The following PCDH11Y variants were observed in gnomAD, a reference collection of about 807,000 sequenced individuals.
The protein encoded by PCDH11Y is protocadherin 11 Y-linked.
For synonymous variants in PCDH11Y, 9 were observed against 83.6 expected, an observed-to-expected ratio of 0.11 and a Z score of 4.87; for missense variants, 12 against 224.8, an observed-to-expected ratio of 0.05 and a Z score of 6.05.
At chrY:5,127,718 GTAATGCCTAAT>G (rs2052827164) in intron 2 of PCDH11Y, among the ~76,000 whole-genome samples, 1 of 32,971 alleles carries the variant, frequency 3.0e-5, no homozygotes, top group African/African-American at 1.2e-4. Flanking sequence ...TAATTGGAAA[GTAATGCCTAAT>G]TAATAAAGTG....
intron 2 of PCDH11Y, among the ~76,000 whole-genome samples, chrY:5,126,267 A>C: frequency 3.0e-5 from 1 of 33,692 alleles, no homozygotes; most frequent in Non-Finnish European, 7.4e-5. Context: ...AAGCTATTAT[A>C]TTATGTTGGT....
chrY:5,571,129 T>C (rs2053439031), intron 3 of PCDH11Y, among the ~76,000 whole-genome samples: 1 of 30,535 alleles, frequency 3.3e-5, no homozygotes, highest in African/African-American at 1.3e-4. Flanking sequence ...ATCAATTTAT[T>C]TGGAGTTTTA....
intron 2 of PCDH11Y, among the ~76,000 whole-genome samples, chrY:5,302,746 C>CT (rs71243526): frequency 1.1e-4 from 3 of 27,605 alleles, no homozygotes; most frequent in Non-Finnish European, 1.7e-4. Context: ...AACTTCAGGG[C>CT]TTTTTTTTTT....
At chrY:5,300,092 T>C in intron 2 of PCDH11Y, among the ~76,000 whole-genome samples, 2 of 33,362 alleles carry the variant, frequency 6.0e-5, no homozygotes, top group Non-Finnish European at 1.5e-4. Flanking sequence ...CAAATCATAT[T>C]CACCTTTGTG....
intron 3 of PCDH11Y, among the ~76,000 whole-genome samples, chrY:5,556,353 T>C: frequency 3.0e-5 from 1 of 33,153 alleles, no homozygotes; most frequent in African/African-American, 1.2e-4. Flanking sequence ...TGGTATCTCA[T>C]TTTGGTTTTG....
intron 2 of PCDH11Y, among the ~76,000 whole-genome samples, chrY:5,228,019 T>A: frequency 6.3e-5 from 2 of 31,934 alleles, no homozygotes; most frequent in African/African-American, 2.4e-4. Flanking sequence ...AAATGTTTGG[T>A]TGCATTCAGC....
intron 2 of PCDH11Y, among the ~76,000 whole-genome samples, chrY:5,190,312 C>T (rs1602883212): frequency 8.8e-4 from 30 of 33,973 alleles, no homozygotes; most frequent in Middle Eastern, 0.014. Flanking sequence ...GATGAATTGA[C>T]TCTCCATTGA....
chrY:5,161,781 T>C, intron 2 of PCDH11Y, among the ~76,000 whole-genome samples: 1 of 31,598 alleles, frequency 3.2e-5, no homozygotes, highest in African/African-American at 1.2e-4. Flanking sequence ...AGATTTATCC[T>C]ACTTCTGAAA....
At chrY:5,583,015 G>A (rs1602946310) in intron 4 of PCDH11Y, among the ~76,000 whole-genome samples, 6 of 33,240 alleles carry the variant, frequency 1.8e-4, no homozygotes, top group African/African-American at 4.6e-4. Context: ...AAATCTTAGA[G>A]TTAAGTCTTT....
intron 4 of PCDH11Y, among the ~76,000 whole-genome samples, chrY:5,680,886 C>T: frequency 3.1e-5 from 1 of 31,968 alleles, no homozygotes; most frequent in Non-Finnish European, 7.6e-5. Context: ...AGTTATTGGC[C>T]TTAAAGGGGA....
chrY:5,212,392 G>A (rs1602887119), intron 2 of PCDH11Y, among the ~76,000 whole-genome samples: 1 of 29,934 alleles, frequency 3.3e-5, no homozygotes, highest in Non-Finnish European at 7.9e-5. Context: ...AGACCCAATG[G>A]TCTTTCCAAA....
At chrY:5,130,348 A>G (rs1602872909) in intron 2 of PCDH11Y, among the ~76,000 whole-genome samples, 9 of 33,700 alleles carry the variant, frequency 2.7e-4, no homozygotes, top group African/African-American at 5.8e-4. Context: ...TGCATCCAAT[A>G]AATGTCTAAT....
At position 5,229,405 on chromosome Y, in the gene PCDH11Y, T is replaced by C. The variant is rs2052965141; in HGVS notation, c.3129+128698T>C. ...AGCTTGGCTCACTGCAAGCTCCACC[T>C]CCCAGGTTCACGCCATTCTCATGCC... On this transcript the variant is annotated intron_variant, in intron 2 of 4. Transcript: ENST00000400457. Among the ~76,000 whole-genome samples the C allele has an allele frequency of 1.8e-4, 4 of 22,296 alleles. No homozygotes were observed. The South Asian group carries it at 5.1e-3, about 28-fold the overall frequency. The allele number at this position is 22,296 out of a possible 37,273, so 59.8% of individuals were successfully genotyped here. A position where few individuals can be genotyped will look rare whatever the true frequency, so the allele number is the denominator to read the frequency against.
intron 2 of PCDH11Y, among the ~76,000 whole-genome samples, chrY:5,127,632 T>A: frequency 2.4e-4 from 8 of 33,601 alleles, no homozygotes; most frequent in African/African-American, 8.0e-4. Flanking sequence ...TAATTGCTTT[T>A]TGTATAAAAG....
intron 3 of PCDH11Y, among the ~76,000 whole-genome samples, chrY:5,534,364 A>G: frequency 5.9e-5 from 2 of 33,780 alleles, no homozygotes; most frequent in African/African-American, 2.3e-4. Flanking sequence ...TTGTCACCCA[A>G]GTAAAAGCAT....
intron 2 of PCDH11Y, among the ~76,000 whole-genome samples, chrY:5,384,097 A>C: frequency 3.0e-5 from 1 of 33,556 alleles, no homozygotes; most frequent in South Asian, 6.5e-4. Flanking sequence ...CTTCTAATAT[A>C]AATATTAAAA....
At chrY:5,374,431 G>GTA (rs2053195683) in intron 2 of PCDH11Y, among the ~76,000 whole-genome samples, 1 of 25,993 alleles carries the variant, frequency 3.8e-5, no homozygotes, top group Non-Finnish European at 8.6e-5. Context: ...GTGTGTGTGT[G>GTA]TATATATATG....
Position 5,722,960 on chromosome Y carries a change from A to G in PCDH11Y, c.3353-14312A>G. ...CTTTTTTCTCCTCTTAATGAATTTGAAAAACCCTTGTATAAGACAAGACAA... is the reference window on the plus strand; with the variant it reads ...CTTTTTTCTCCTCTTAATGAATTTGGAAAACCCTTGTATAAGACAAGACAA... On this transcript the variant is annotated intron_variant, in intron 4 of 4. Transcript: ENST00000400457. 9.3e-5 allele frequency among the ~76,000 whole-genome samples: 3 copies of G among 32,366 alleles called. No homozygotes were observed. The East Asian group carries it at 2.4e-3, about 26-fold the overall frequency. The allele number at this position is 32,366 out of a possible 37,273, so 86.8% of individuals were successfully genotyped here.
exon 2 of PCDH11Y, chrY:5,101,360 T>C: frequency 7.9e-6 from 1 of 127,053 alleles, no homozygotes; most frequent in Non-Finnish European, 1.0e-5. Context: ...GAAATATATA[T>C]GAGGTCTCTA....
Sources: allele counts gnomAD v4.1 joint callset (sites outside exome capture counted in the v4.1 genomes callset), GRCh38; gene constraint gnomAD v4.1.1; transcripts MANE v1.5; gene names NCBI Gene and HGNC (gene_info 2026-07-23, HGNC 2026-07-21).